The following PARD3 variants were observed in gnomAD, a reference collection of about 807,000 sequenced individuals.
The protein encoded by PARD3 is par-3 family cell polarity regulator.
In PARD3, 75 loss-of-function variants were observed where a neutral mutation model predicts 155.4. That is an observed-to-expected ratio of 0.48 (90% CI 0.40 to 0.58). PARD3 has a LOEUF of 0.58. Among genes scored for constraint, PARD3 ranks in the 20% least tolerant of loss-of-function variants. The pLI is 0.00. For missense variants in PARD3, 1,642 were observed against 1,721.7 expected, an observed-to-expected ratio of 0.95 and a Z score of 0.82; for synonymous variants, 576 against 610.5, an observed-to-expected ratio of 0.94 and a Z score of 0.83.
chr10:34,421,817 T>C (rs1285141143), intron 5 of PARD3, among the ~76,000 whole-genome samples: 1 of 152,186 alleles, frequency 6.6e-6, no homozygotes, highest in Non-Finnish European at 1.5e-5. Context: ...AAGAATTGTA[T>C]GTATGCTAGT....
chr10:34,351,684 C>A (rs1838099163), intron 14 of PARD3, among the ~76,000 whole-genome samples: 2 of 152,226 alleles, frequency 1.3e-5, no homozygotes, highest in African/African-American at 4.8e-5. Flanking sequence ...ACCAGAATTT[C>A]TCCGATTACA....
At chr10:34,781,157 G>C (rs907259534) in intron 1 of PARD3, among the ~76,000 whole-genome samples, 1 of 152,168 alleles carries the variant, frequency 6.6e-6, no homozygotes, top group African/African-American at 2.4e-5. Flanking sequence ...ATGTGCAGAG[G>C]CTCACACGAG....
chr10:34,381,450 C>T lies in PARD3; in HGVS notation c.1399+1090G>A, dbSNP rs888409236. Among the ~76,000 whole-genome samples the T allele has an allele frequency of 5.3e-5, 8 of 151,992 alleles. No homozygotes were observed. The East Asian group carries it at 7.7e-4, about 15-fold the overall frequency. ...GTAAAAGTGTATCTTGGTGCCTGGACGAAACATTGGGTGAAAATCATAAAG... is the reference window on the plus strand; with the variant it reads ...GTAAAAGTGTATCTTGGTGCCTGGATGAAACATTGGGTGAAAATCATAAAG... On this transcript the variant is annotated intron_variant, in intron 9 of 24. Transcript: ENST00000374788.
intron 24 of PARD3, among the ~76,000 whole-genome samples, 156 bp downstream of exon 24, chr10:34,119,457 T>C (rs1588831986): frequency 6.6e-6 from 1 of 152,208 alleles, no homozygotes; most frequent in Non-Finnish European, 1.5e-5. Context: ...CCCCCCACGC[T>C]AAGGAACAGT....
At chr10:34,638,931 T>C (rs765066382) in intron 2 of PARD3, among the ~76,000 whole-genome samples, 1 of 152,242 alleles carries the variant, frequency 6.6e-6, no homozygotes, top group African/African-American at 2.4e-5. Flanking sequence ...TCTTTCACAA[T>C]TCTTAGAAGA....
intron 2 of PARD3, among the ~76,000 whole-genome samples, chr10:34,629,028 G>C (rs1009455334): frequency 6.6e-6 from 1 of 152,176 alleles, no homozygotes; most frequent in African/African-American, 2.4e-5. Context: ...TGGGGAAAGA[G>C]GGGTGTTAAA....
chr10:34,556,156 AT>A (rs2084962727), intron 2 of PARD3, among the ~76,000 whole-genome samples: 1 of 152,198 alleles, frequency 6.6e-6, no homozygotes, highest in Admixed American at 6.5e-5. Context: ...GGAGTTCTCA[AT>A]GTCTTTCTAG....
chr10:34,727,870 T>TC (rs1434718760), intron 1 of PARD3, among the ~76,000 whole-genome samples: 2 of 114,392 alleles, frequency 1.7e-5, no homozygotes, highest in Non-Finnish European at 3.7e-5. Context: ...TGCAACCCCC[T>TC]CCCTCCGCCA....
intron 2 of PARD3, among the ~76,000 whole-genome samples, chr10:34,522,799 C>T (rs941842554): frequency 6.6e-6 from 1 of 150,966 alleles, no homozygotes; most frequent in Non-Finnish European, 1.5e-5. Flanking sequence ...TTTCACTTAA[C>T]AGGAAGCAAA....
At chr10:34,425,583 A>G (rs1031494416) in intron 5 of PARD3, among the ~76,000 whole-genome samples, 2 of 151,852 alleles carry the variant, frequency 1.3e-5, no homozygotes, top group African/African-American at 4.8e-5. Context: ...CTTTGTAGAG[A>G]TGGGGGTCTC....
chr10:34,411,883 T>C (rs371457050), intron 5 of PARD3, among the ~76,000 whole-genome samples: 1 of 151,820 alleles, frequency 6.6e-6, no homozygotes, highest in Non-Finnish European at 1.5e-5. Context: ...AGGAGTTTTT[T>C]TTCTATGTAT....
chr10:34,278,258 G>A (rs1399217691), intron 21 of PARD3, among the ~76,000 whole-genome samples: 1 of 152,064 alleles, frequency 6.6e-6, no homozygotes, highest in Non-Finnish European at 1.5e-5. Context: ...ATGTTGCCCA[G>A]GCTGGTATCG....
At chr10:34,655,826 A>G (rs969389500) in intron 2 of PARD3, among the ~76,000 whole-genome samples, 2 of 152,222 alleles carry the variant, frequency 1.3e-5, no homozygotes, top group East Asian at 3.8e-4. Context: ...TAAGAACTTT[A>G]AATTCCACAA....
At chr10:34,264,246 A>G (rs191060827) in intron 22 of PARD3, among the ~76,000 whole-genome samples, 1 of 152,326 alleles carries the variant, frequency 6.6e-6, no homozygotes, top group South Asian at 2.1e-4. Flanking sequence ...GCCCAACTGT[A>G]GGCTAATGTA....
intron 24 of PARD3, among the ~76,000 whole-genome samples, chr10:34,118,170 G>A (rs1327294301): frequency 1.3e-5 from 2 of 152,100 alleles, no homozygotes; most frequent in Admixed American, 6.5e-5. Context: ...AAATAATTTA[G>A]TACTCAAAGG....
At chr10:34,135,569 C>T (rs1275415812) in intron 22 of PARD3, among the ~76,000 whole-genome samples, 1 of 152,168 alleles carries the variant, frequency 6.6e-6, no homozygotes, top group African/African-American at 2.4e-5. Context: ...TTGGATACTA[C>T]TATGTGCTTC....
At chr10:34,460,322 A>T (rs1025772755) in intron 4 of PARD3, among the ~76,000 whole-genome samples, 2 of 152,216 alleles carry the variant, frequency 1.3e-5, no homozygotes, top group East Asian at 1.9e-4. Flanking sequence ...AAAAAAACAC[A>T]ATCTAACTAA....
chr10:34,670,648 T>G (rs903078591), intron 2 of PARD3, among the ~76,000 whole-genome samples: 4 of 152,162 alleles, frequency 2.6e-5, no homozygotes, highest in Admixed American at 6.5e-5. Context: ...TGTGTGCATG[T>G]TTTAGAGTAT....
chr10:34,723,589 C>A (rs1230913951), intron 1 of PARD3, among the ~76,000 whole-genome samples: 3 of 152,112 alleles, frequency 2.0e-5, no homozygotes, highest in Non-Finnish European at 4.4e-5. Flanking sequence ...GTTTGAAAAA[C>A]CAAAATGTAT....
Sources: allele counts gnomAD v4.1 joint callset (sites outside exome capture counted in the v4.1 genomes callset), GRCh38; gene constraint gnomAD v4.1.1; transcripts MANE v1.5; gene names NCBI Gene and HGNC (gene_info 2026-07-23, HGNC 2026-07-21).